Variants in MDGA2 observed in about 807,000 individuals in gnomAD.
MDGA2 encodes MAM domain containing glycosylphosphatidylinositol anchor 2.
In MDGA2, 40 loss-of-function variants were observed where a neutral mutation model predicts 117.8. That is an observed-to-expected ratio of 0.34 (90% confidence interval 0.26 to 0.44). MDGA2 has a LOEUF of 0.44. MDGA2 is among the 20% of genes least tolerant of loss of function. The probability of loss-of-function intolerance (pLI) is 1.00; values close to 1 mark genes in which losing one functional copy is unlikely to be tolerated. For synonymous variants in MDGA2, 452 were observed against 439.0 expected (o/e 1.03, Z -0.37); for missense variants, 1,123 against 1,250.6 (o/e 0.90, Z 1.54).
chr14:47,060,007 T>A (rs571124771), intron 7 of MDGA2, among the ~76,000 whole-genome samples: 82 of 152,220 alleles, frequency 5.4e-4, no homozygotes, highest in African/African-American at 1.8e-3. Context: ...GATAACTGAC[T>A]GTGTGTATCA....
chr14:47,491,377 G>T (rs1894166507), intron 1 of MDGA2, among the ~76,000 whole-genome samples: 1 of 151,986 alleles, frequency 6.6e-6, no homozygotes, highest in African/African-American at 2.4e-5. Context: ...ACATTTTAAA[G>T]ATTTCCTTTC....
chr14:46,985,924 A>G (rs972440950), intron 8 of MDGA2, among the ~76,000 whole-genome samples: 17 of 151,820 alleles, frequency 1.1e-4, no homozygotes, highest in African/African-American at 4.1e-4. Flanking sequence ...CAACTGAGTC[A>G]TTTTTTTTCT....
intron 8 of MDGA2, among the ~76,000 whole-genome samples, chr14:47,002,401 G>A (rs965147224): frequency 2.6e-5 from 4 of 151,916 alleles, no homozygotes; most frequent in African/African-American, 7.2e-5. Context: ...TATTCCTGAT[G>A]GATTAAGAAA....
At chr14:47,095,494 A>G (rs942669676) in intron 6 of MDGA2, among the ~76,000 whole-genome samples, 6 of 151,940 alleles carry the variant, frequency 3.9e-5, no homozygotes, top group Non-Finnish European at 8.8e-5. Context: ...TAAATGACAT[A>G]TTTTAAAAAA....
At chr14:47,105,701 C>A (rs1424792396) in intron 5 of MDGA2, among the ~76,000 whole-genome samples, 2 of 149,438 alleles carry the variant, frequency 1.3e-5, no homozygotes, top group Non-Finnish European at 3.0e-5. Context: ...ACACATCAGT[C>A]CCTTCCTAAT....
intron 2 of MDGA2, among the ~76,000 whole-genome samples, chr14:47,218,873 G>C (rs978167323): frequency 3.3e-5 from 5 of 151,934 alleles, no homozygotes; most frequent in Non-Finnish European, 7.4e-5. Flanking sequence ...AAAACATTTT[G>C]AATATCTAAA....
At chr14:47,583,415 G>A (rs1896265486) in intron 1 of MDGA2, among the ~76,000 whole-genome samples, 1 of 151,776 alleles carries the variant, frequency 6.6e-6, no homozygotes, top group South Asian at 2.1e-4. Flanking sequence ...CTCATTAAAA[G>A]CATTTAATTG....
chr14:47,675,156 C>G lies in MDGA2; in HGVS notation c.-360G>C, dbSNP rs1414524090. On this transcript the variant is annotated 5_prime_UTR_variant, in exon 1 of 17. Coordinates refer to ENST00000399232, the MANE Select transcript of MDGA2 (RefSeq NM_001113498.3). ...GGATTCGCCTTTACAAAGTAACTCG[C>G]GAAGGTCCCCGGAGGGGCGTCAAGC... Among the ~76,000 whole-genome samples the G allele has an allele frequency of 3.3e-5, 5 of 152,038 alleles. No homozygotes were observed. The highest frequency in any genetic ancestry group is 1.2e-4 in the African/African-American group (5 of 41,438).
intron 1 of MDGA2, among the ~76,000 whole-genome samples, chr14:47,415,971 G>A (rs1039718480): frequency 6.6e-6 from 1 of 152,078 alleles, no homozygotes; most frequent in Non-Finnish European, 1.5e-5. Context: ...AGGATTTCGA[G>A]GTATGAATTT....
intron 1 of MDGA2, among the ~76,000 whole-genome samples, chr14:47,347,975 C>T (rs1282770982): frequency 6.6e-6 from 1 of 151,934 alleles, no homozygotes; most frequent in Non-Finnish European, 1.5e-5. Flanking sequence ...AGGAAGAAGA[C>T]AAGAGTGAAG....
intron 1 of MDGA2, among the ~76,000 whole-genome samples, chr14:47,601,466 A>G (rs142036365): frequency 3.3e-4 from 51 of 152,302 alleles, no homozygotes; most frequent in African/African-American, 1.1e-3. Context: ...TTAAAAAGAA[A>G]TAGTTTAAGG....
intron 1 of MDGA2, among the ~76,000 whole-genome samples, chr14:47,615,006 G>A (rs1260999987): frequency 2.0e-5 from 3 of 151,832 alleles, no homozygotes; most frequent in Admixed American, 2.0e-4. Context: ...TAATTGGTGG[G>A]CTTAGTAAGC....
At chr14:47,480,752 A>T (rs1179214712) in intron 1 of MDGA2, among the ~76,000 whole-genome samples, 1 of 151,950 alleles carries the variant, frequency 6.6e-6, no homozygotes, top group Non-Finnish European at 1.5e-5. Flanking sequence ...TTGAAGATTC[A>T]GCAAAATATT....
At chr14:47,570,773 T>C (rs1419635388) in intron 1 of MDGA2, among the ~76,000 whole-genome samples, 1 of 152,142 alleles carries the variant, frequency 6.6e-6, no homozygotes, top group Non-Finnish European at 1.5e-5. Context: ...GATTAAAGAC[T>C]GAAACATAAG....
chr14:47,383,684 A>G (rs1891687859), intron 1 of MDGA2, among the ~76,000 whole-genome samples: 1 of 151,928 alleles, frequency 6.6e-6, no homozygotes, highest in South Asian at 2.1e-4. Context: ...GAGTACAGGC[A>G]CCTGCCACCT....
intron 7 of MDGA2, among the ~76,000 whole-genome samples, chr14:47,052,944 C>T (rs923854368): frequency 4.0e-5 from 6 of 151,872 alleles, no homozygotes; most frequent in Non-Finnish European, 7.4e-5. Flanking sequence ...CACTCCCTCA[C>T]TCTTTCCATA....
intron 1 of MDGA2, among the ~76,000 whole-genome samples, chr14:47,354,465 T>C (rs531515756): frequency 6.6e-6 from 1 of 152,106 alleles, no homozygotes; most frequent in African/African-American, 2.4e-5. Context: ...CCACCAAACA[T>C]GCTAAAAACC....
chr14:47,529,645 C>A (rs147826191), intron 1 of MDGA2, among the ~76,000 whole-genome samples: 12 of 152,062 alleles, frequency 7.9e-5, no homozygotes, highest in Admixed American at 3.3e-4. Flanking sequence ...GAACTCTACT[C>A]CAGCATTCTG....
At chr14:47,599,226 T>G (rs892688451) in intron 1 of MDGA2, among the ~76,000 whole-genome samples, 1 of 152,084 alleles carries the variant, frequency 6.6e-6, no homozygotes, top group Non-Finnish European at 1.5e-5. Context: ...AAAACGAATC[T>G]GTTAAGCCAT....
Sources: allele counts gnomAD v4.1 joint callset (sites outside exome capture counted in the v4.1 genomes callset), GRCh38; gene constraint gnomAD v4.1.1; transcripts MANE v1.5; gene names NCBI Gene and HGNC (gene_info 2026-07-23, HGNC 2026-07-21).